Variants in RAPGEF6 observed in about 807,000 individuals in gnomAD.
RAPGEF6 encodes the protein Rap guanine nucleotide exchange factor 6.
RAPGEF6 carries 56 observed loss-of-function variants against 171.4 expected under a neutral mutation model. The observed-to-expected ratio is 0.33, with a 90% CI of 0.26 to 0.41. RAPGEF6 has a LOEUF of 0.41. Ranked by LOEUF, RAPGEF6 falls within the 10% of genes least tolerant of loss-of-function variation. The pLI is 1.00. For missense variants in RAPGEF6, 1,674 were observed against 1,921.4 expected, an observed-to-expected ratio of 0.87 and a Z score of 2.41; for synonymous variants, 692 against 650.1, an observed-to-expected ratio of 1.06 and a Z score of -0.98.
At chr5:131,597,136 T>C (rs1580648165) in intron 3 of RAPGEF6, among the ~76,000 whole-genome samples, 1 of 152,116 alleles carries the variant, frequency 6.6e-6, no homozygotes, top group East Asian at 1.9e-4. Context: ...AATAAACTAA[T>C]CATCAGGGAA....
At chr5:131,440,884 AT>A (rs1752345098) in intron 23 of RAPGEF6, among the ~76,000 whole-genome samples, 1 of 152,042 alleles carries the variant, frequency 6.6e-6, no homozygotes, top group Non-Finnish European at 1.5e-5. Flanking sequence ...AACTTCACCA[AT>A]TCTGCACCCA....
chr5:131,474,622 T>C (rs1031974566), intron 16 of RAPGEF6, among the ~76,000 whole-genome samples: 3 of 152,156 alleles, frequency 2.0e-5, no homozygotes, highest in South Asian at 2.1e-4. Flanking sequence ...GCAAAGGAGA[T>C]ATCTCATTTG....
intron 1 of RAPGEF6, among the ~76,000 whole-genome samples, chr5:131,618,270 G>A (rs1351979742): frequency 6.6e-6 from 1 of 152,088 alleles, no homozygotes; most frequent in Non-Finnish European, 1.5e-5. Context: ...AAAAAGAGAG[G>A]AGAAAGGAAG....
intron 21 of RAPGEF6, 57 bp from the exon 22 acceptor site, chr5:131,446,760 A>G (rs1215946582): frequency 6.9e-7 from 1 of 1,439,052 alleles, no homozygotes; most frequent in African/African-American, 1.4e-5. Flanking sequence ...TAAGCATAGC[A>G]GATTGAAGAT....
intron 3 of RAPGEF6, among the ~76,000 whole-genome samples, chr5:131,600,975 A>G (rs922544319): frequency 6.6e-6 from 1 of 151,756 alleles, no homozygotes; most frequent in African/African-American, 2.4e-5. Context: ...GAGCAAAAAG[A>G]GCTGGGTGTA....
intron 4 of RAPGEF6, among the ~76,000 whole-genome samples, chr5:131,576,089 C>T (rs1345774361): frequency 6.6e-6 from 1 of 152,190 alleles, no homozygotes; most frequent in East Asian, 1.9e-4. Flanking sequence ...GACTTCAACC[C>T]GGCCTCTCAC....
intron 11 of RAPGEF6, among the ~76,000 whole-genome samples, chr5:131,499,581 CA>C (rs375534138): frequency 1.0e-3 from 90 of 87,556 alleles, no homozygotes; most frequent in African/African-American, 2.7e-3. Flanking sequence ...GACTTTGTCT[CA>C]AAAAAAAAAA....
intron 24 of RAPGEF6, 131 bp from the exon 25 acceptor site, chr5:131,433,789 A>T: frequency 1.4e-6 from 1 of 694,664 alleles, no homozygotes. Context: ...TTTAGTTTCC[A>T]TCTATGTAGA....
intron 25 of RAPGEF6, 37 bp from the exon 26 acceptor site, chr5:131,431,386 C>G: frequency 6.5e-7 from 1 of 1,540,740 alleles, no homozygotes; most frequent in African/African-American, 1.4e-5. Context: ...GAAGGCTTGC[C>G]AGAAAAACTA....
At chr5:131,598,569 A>G (rs1764040225) in intron 3 of RAPGEF6, among the ~76,000 whole-genome samples, 1 of 152,242 alleles carries the variant, frequency 6.6e-6, no homozygotes, top group Non-Finnish European at 1.5e-5. Context: ...GAAAAAACAT[A>G]TTAACTGCAA....
chr5:131,632,038 T>C (rs1766341534), intron 1 of RAPGEF6, among the ~76,000 whole-genome samples: 1 of 136,448 alleles, frequency 7.3e-6, no homozygotes, highest in South Asian at 2.2e-4. Flanking sequence ...ACTGCACCAC[T>C]GCACTCCAGC....
At chr5:131,585,302 A>G (rs1451197216) in intron 4 of RAPGEF6, among the ~76,000 whole-genome samples, 40 of 143,654 alleles carry the variant, frequency 2.8e-4, no homozygotes, top group African/African-American at 1.1e-3. Context: ...ACATACATAC[A>G]TACATACATA....
intron 6 of RAPGEF6, among the ~76,000 whole-genome samples, chr5:131,540,945 C>A (rs1283758152): frequency 6.6e-6 from 1 of 152,188 alleles, no homozygotes; most frequent in African/African-American, 2.4e-5. Flanking sequence ...CGCACCATTG[C>A]ACTCCAGCCC....
intron 7 of RAPGEF6, among the ~76,000 whole-genome samples, chr5:131,519,571 T>A (rs1758337247): frequency 6.6e-6 from 1 of 152,134 alleles, no homozygotes; most frequent in Admixed American, 6.6e-5. Context: ...CCAGCTAATT[T>A]TTGAATTTTT....
At chr5:131,468,264 G>A (rs1200993286) in intron 17 of RAPGEF6, among the ~76,000 whole-genome samples, 39 of 146,148 alleles carry the variant, frequency 2.7e-4, no homozygotes, top group Admixed American at 2.2e-3. Context: ...CCCGGGAGGC[G>A]TAGCTTGCAG....
At chr5:131,495,729 A>C in intron 12 of RAPGEF6, 69 bp from the exon 13 acceptor site, 3 of 1,539,080 alleles carry the variant, frequency 1.9e-6, no homozygotes, top group East Asian at 4.7e-5. Flanking sequence ...GGATTCCAAA[A>C]GCATGTCTAA....
intron 4 of RAPGEF6, 111 bp downstream of exon 4, chr5:131,592,272 C>A: frequency 6.8e-7 from 1 of 1,464,594 alleles, no homozygotes; most frequent in South Asian, 1.4e-5. Flanking sequence ...TCCAATGGTG[C>A]CAACAAGCAA....
Position 131,590,396 on chromosome 5 carries a change from T to A in RAPGEF6, c.281+1987A>T, listed in dbSNP as rs1200100641. On this transcript the variant is annotated intron_variant, in intron 4 of 27. Coordinates refer to ENST00000509018, the MANE Select transcript of RAPGEF6 (RefSeq NM_016340.6). ...TGGGCAACAGCGACTCTGTCTCAAATTTAAAAAATCATAATAATAAAAAAA... is the reference window on the plus strand; with the variant it reads ...TGGGCAACAGCGACTCTGTCTCAAAATTAAAAAATCATAATAATAAAAAAA... Among the ~76,000 whole-genome samples the A allele has an allele frequency of 3.3e-5, 5 of 152,238 alleles. No homozygotes were observed. In the South Asian group the frequency reaches 8.3e-4, roughly 25 times the overall value.
chr5:131,433,742 A>AC (rs1303929760), intron 24 of RAPGEF6, 84 bp from the exon 25 acceptor site: 65 of 998,234 alleles, frequency 6.5e-5, no homozygotes, highest in Non-Finnish European at 9.5e-5. Context: ...AAAAAAAAAA[A>AC]CCCCACAAAA....
Sources: allele counts gnomAD v4.1 joint callset (sites outside exome capture counted in the v4.1 genomes callset), GRCh38; gene constraint gnomAD v4.1.1; transcripts MANE v1.5; gene names NCBI Gene and HGNC (gene_info 2026-07-23, HGNC 2026-07-21).